The following GOLGA2 variants were observed in gnomAD, a reference collection of about 807,000 sequenced individuals.
The protein encoded by GOLGA2 is golgin A2.
A neutral mutation model predicts 148.8 loss-of-function variants in GOLGA2; 49 were observed. The ratio of observed to expected loss-of-function variants is 0.33; its 90% CI spans 0.26 to 0.42. The LOEUF (loss-of-function observed/expected upper bound fraction) is 0.42. Ranked by LOEUF, GOLGA2 falls within the 10% of genes least tolerant of loss-of-function variation. The pLI, the probability that GOLGA2 is intolerant of heterozygous loss-of-function variation, is 1.00. For synonymous variants in GOLGA2, 501 were observed against 511.8 expected, an observed-to-expected ratio of 0.98 and a Z score of 0.28; for missense variants, 1,178 against 1,304.6, an observed-to-expected ratio of 0.90 and a Z score of 1.49.
chr9:128,275,797 C>G, intron 1 of GOLGA2, 96 bp downstream of exon 1: 1 of 683,716 alleles, frequency 1.5e-6, no homozygotes, highest in Non-Finnish European at 2.4e-6. Context: ...GAGCCCAGCC[C>G]GGTGTGCCTC....
intron 1 of GOLGA2, chr9:128,275,629 C>CG: frequency 6.2e-6 from 4 of 641,932 alleles, no homozygotes; most frequent in South Asian, 2.5e-5. Flanking sequence ...GGTCGGACTT[C>CG]GGGGGGCAGG....
chr9:128,273,217 G>A (rs1346661643), intron 2 of GOLGA2, among the ~76,000 whole-genome samples: 2 of 152,140 alleles, frequency 1.3e-5, no homozygotes, highest in Non-Finnish European at 2.9e-5. Context: ...TTAAAAACCA[G>A]ACTTCTGAGT....
intron 1 of GOLGA2, among the ~76,000 whole-genome samples, chr9:128,274,597 G>A (rs1370694688): frequency 1.3e-5 from 2 of 152,164 alleles, no homozygotes; most frequent in African/African-American, 2.4e-5. Context: ...ATCCTCACAC[G>A]TTTGGTAATG....
Position 128,257,795 on chromosome 9 carries a change from G to A in GOLGA2, c.2606C>T (p.Thr869Ile). ...TGCCCTGGCCTCCCACTCACCAATG[G>A]TGTCTGTCTCTCCAGAAAGCTGGAT... Reference protein sequence around the residue: ...RCIQLSGETDTIGEYIALYQS... With the variant: ...RCIQLSGETDIIGEYIALYQS... The change falls in exon 24 of 27, where the codon ACC (threonine) becomes ATC (isoleucine). Residue 869 changes from threonine to isoleucine, a missense_variant. Around this residue, in one of 5 missense-constraint regions of GOLGA2, gnomAD observed 38 missense variants for 67.3 expected, o/e 0.56. Coordinates refer to ENST00000611957, the MANE Select transcript of GOLGA2 (RefSeq NM_001366244.2). This position sits in a 1 kb window ranked among gnomAD's most constrained non-coding sequence, Gnocchi z 8.0. 1 of 1,613,640 alleles carries A rather than the reference G, an allele frequency of 6.2e-7. No individual in the cohort carries two copies. The highest frequency in any genetic ancestry group is 8.5e-7 in the Non-Finnish European group (1 of 1,179,578).
In GOLGA2 at chr9:128,271,713, GA is replaced by G. The variant is rs1564369118; in HGVS notation, c.288+1071del. 6.6e-6 allele frequency among the ~76,000 whole-genome samples: 1 copy of G among 151,986 alleles called. No homozygotes were observed. On this transcript the variant is annotated intron_variant, in intron 3 of 26. Transcript: ENST00000611957. This position sits in a 1 kb window ranked among gnomAD's most constrained non-coding sequence, Gnocchi z 4.4. ...GTCCATTTGGAACCAACCTCCCCCC[GA>G]GCTGAGCATTTGGAATGTTCCAAAA...
intron 2 of GOLGA2, 144 bp downstream of exon 2, chr9:128,273,706 A>C: frequency 9.2e-7 from 1 of 1,081,484 alleles, no homozygotes; most frequent in Non-Finnish European, 1.3e-6. Flanking sequence ...ATTTGCCCTA[A>C]ATCACATCCC....
rs749899549 is a variant in GOLGA2 at position 128,260,576 on chromosome 9, C to A, written c.1647G>T (p.Arg549Ser). ...ELWGEQAEAR[R>S]QILETMQNDR... ...CGTTCTGCATGGTCTCCAGGATTTGCCTGCGCGCCTCCGCCTGCTCCCCCC... is the reference window on the plus strand; with the variant it reads ...CGTTCTGCATGGTCTCCAGGATTTGACTGCGCGCCTCCGCCTGCTCCCCCC... The change falls in exon 18 of 27, where the codon AGG becomes AGT. Residue 549 changes from arginine to serine, a missense_variant. Transcript: ENST00000611957. The surrounding 1 kb of genome is among the most constrained non-coding windows in gnomAD (Gnocchi z 4.8). 19 of 1,611,950 alleles carry A rather than the reference C, an allele frequency of 1.2e-5. No homozygotes were observed. The highest frequency in any genetic ancestry group is 1.5e-5 in the Non-Finnish European group (18 of 1,180,006).
chr9:128,271,773 C>T lies in GOLGA2; in HGVS notation c.288+1012G>A, dbSNP rs79121620. On this transcript the variant is annotated intron_variant, in intron 3 of 26. Coordinates refer to ENST00000611957, the MANE Select transcript of GOLGA2 (RefSeq NM_001366244.2). This position sits in a 1 kb window ranked among gnomAD's most constrained non-coding sequence, Gnocchi z 4.4. ...TGCCTCCTTCAGAGGAGTCTGCCTC[C>T]CTCGGTGTGCAGCCTACCTTGTTCA... 0.043 allele frequency among the ~76,000 whole-genome samples: 6,472 copies of T among 152,200 alleles called. 246 individuals carry two copies. Among genetic ancestry groups the T allele is most frequent in the East Asian group, 0.18 (913 of 5,162 alleles).
At position 128,261,199 on chromosome 9, in the gene GOLGA2, T is replaced by C; in HGVS notation, c.1393A>G (p.Ser465Gly). Residue 465 changes from serine (S) to glycine (G), a missense_variant, in exon 17 of 27, where the codon AGC becomes GGC. By Grantham distance (56) the Ser-to-Gly change is moderately conservative. Coordinates refer to ENST00000611957, the MANE Select transcript of GOLGA2 (RefSeq NM_001366244.2). This position sits in a 1 kb window ranked among gnomAD's most constrained non-coding sequence, Gnocchi z 5.7. Reference sequence around the variant, plus strand: ...ATCTGGTTCCTCAGTTCAGCCAAGCTCGTCTCCAGCTCCTGTACCCGACTC... The same window carrying C: ...ATCTGGTTCCTCAGTTCAGCCAAGCCCGTCTCCAGCTCCTGTACCCGACTC... ...SMSRVQELETSLAELRNQMAE... is the reference protein window; with the variant it reads ...SMSRVQELETGLAELRNQMAE... 6.2e-7 allele frequency: 1 copy of C among 1,613,672 alleles called. No homozygotes were observed. Among genetic ancestry groups the C allele is most frequent in the Non-Finnish European group, 8.5e-7 (1 of 1,179,636 alleles).
chr9:128,273,486 T>G (rs1831084544), intron 2 of GOLGA2, among the ~76,000 whole-genome samples: 1 of 152,186 alleles, frequency 6.6e-6, no homozygotes, highest in South Asian at 2.1e-4. Context: ...CAAGTAGCTG[T>G]TCTCATTGGC....
intron 12 of GOLGA2, among the ~76,000 whole-genome samples, chr9:128,265,208 T>C: frequency 6.6e-6 from 1 of 152,224 alleles, no homozygotes; most frequent in African/African-American, 2.4e-5. Flanking sequence ...TCATAGTACA[T>C]AGGTACACAT....
intron 19 of GOLGA2, 97 bp from the exon 20 acceptor site, chr9:128,259,488 C>T: frequency 2.7e-6 from 2 of 730,098 alleles, no homozygotes; most frequent in Non-Finnish European, 4.5e-6. Flanking sequence ...CTGCCCAGAC[C>T]TCTGGCCCCT....
chr9:128,259,189 C>T lies in GOLGA2; in HGVS notation c.2075G>A (p.Arg692His), dbSNP rs147019511. The change falls in exon 20 of 27, where the codon CGC becomes CAC. Residue 692 changes from arginine (R) to histidine (H), a missense_variant. Transcript: ENST00000611957. ...CACCTGGGTTTCCTGCAACTCTTGGCGGGCCATCTCGGCCACCGCTTTGCC... is the reference window on the plus strand; with the variant it reads ...CACCTGGGTTTCCTGCAACTCTTGGTGGGCCATCTCGGCCACCGCTTTGCC... The part of the protein sequence containing the change: ...AQGKAVAEMA[R>H]QELQETQERL... 8.8e-6 allele frequency: 14 copies of T among 1,586,246 alleles called. No individual in the cohort carries two copies. Among genetic ancestry groups the T allele is most frequent in the African/African-American group, 2.7e-5 (2 of 74,568 alleles).
chr9:128,266,395 G>C lies in GOLGA2; in HGVS notation c.643-70C>G. 4 of 1,337,748 alleles carry C rather than the reference G, an allele frequency of 3.0e-6. No homozygotes were observed. Among genetic ancestry groups the C allele is most frequent in the Middle Eastern group, 3.6e-4 (2 of 5,514 alleles). The allele number at this position is 1,337,748 out of a possible 1,614,324, so 82.9% of individuals were successfully genotyped here. A position where few individuals can be genotyped will look rare whatever the true frequency, so the allele number is the denominator to read the frequency against. On this transcript the variant is annotated intron_variant, in intron 8 of 26. Coordinates refer to ENST00000611957, the MANE Select transcript of GOLGA2 (RefSeq NM_001366244.2). The surrounding 1 kb of genome is among the most constrained non-coding windows in gnomAD (Gnocchi z 4.2). Reference sequence around the variant, plus strand: ...AACTCTATTCCCCAGACCAGGAACGGGTAGGCAGGGGCCAGGAATGGATTT... The same window carrying C: ...AACTCTATTCCCCAGACCAGGAACGCGTAGGCAGGGGCCAGGAATGGATTT...
At chr9:128,269,654 G>A (rs1668232633) in intron 3 of GOLGA2, among the ~76,000 whole-genome samples, 1 of 152,168 alleles carries the variant, frequency 6.6e-6, no homozygotes, top group Non-Finnish European at 1.5e-5. Flanking sequence ...TCTAATATCT[G>A]ACAAGCCAGA....
At position 128,260,171 on chromosome 9, in the gene GOLGA2, T is replaced by C; in HGVS notation, c.1777A>G (p.Ile593Val). ...TGCTCCGACTGCAGTGCGCTGGTGATCTCCATGTTCTCATTAGTCTGGACA... is the reference window on the plus strand; with the variant it reads ...TGCTCCGACTGCAGTGCGCTGGTGACCTCCATGTTCTCATTAGTCTGGACA... ...FVKLTNENME[I>V]TSALQSEQHV... is the part of the protein sequence containing the mutation. Residue 593 changes from isoleucine (I) to valine (V), a missense_variant, in exon 19 of 27, where the codon ATC (isoleucine) becomes GTC (valine). By Grantham distance (29) the Ile-to-Val change is conservative. Transcript: ENST00000611957. The surrounding 1 kb of genome is among the most constrained non-coding windows in gnomAD (Gnocchi z 4.8). 1 of 1,607,290 alleles carries C rather than the reference T, an allele frequency of 6.2e-7. No homozygotes were observed.
At position 128,259,654 on chromosome 9, in the gene GOLGA2, T is replaced by C. The variant is rs151020592; in HGVS notation, c.1873-263A>G. Among the ~76,000 whole-genome samples, 6 of 152,380 alleles carry C rather than the reference T, an allele frequency of 3.9e-5. No individual in the cohort carries two copies. The East Asian group carries it at 1.2e-3, about 29-fold the overall frequency. ...ACCACCATCTGCTAAGTGTGCTACA[T>C]GCCTAATGCTTTCCACGTATTATCT... On this transcript the variant is annotated intron_variant, in intron 19 of 26. Coordinates refer to ENST00000611957, the MANE Select transcript of GOLGA2 (RefSeq NM_001366244.2).
chr9:128,269,288 A>G lies in GOLGA2; in HGVS notation c.289-764T>C, dbSNP rs575433164. Among the ~76,000 whole-genome samples the G allele has an allele frequency of 3.3e-5, 5 of 151,942 alleles. No individual in the cohort carries two copies. The South Asian group carries it at 1.0e-3, about 32-fold the overall frequency. ...CTGATTCAGGCCTTTTCAGGGGGAA[A>G]AAAAAAAAGCTGCCCAACTAGAAGA... On this transcript the variant is annotated intron_variant, in intron 3 of 26. Coordinates refer to ENST00000611957, the MANE Select transcript of GOLGA2 (RefSeq NM_001366244.2).
At chr9:128,264,938 G>A (rs943263260) in intron 12 of GOLGA2, among the ~76,000 whole-genome samples, 2 of 152,134 alleles carry the variant, frequency 1.3e-5, no homozygotes, top group Non-Finnish European at 2.9e-5. Context: ...AATATTAGAG[G>A]TTAAGTGCTT....
Sources: allele counts gnomAD v4.1 joint callset (sites outside exome capture counted in the v4.1 genomes callset), GRCh38; gene constraint gnomAD v4.1.1; regional missense constraint gnomAD v4.1.1; non-coding constraint Gnocchi (gnomAD v3.1); transcripts MANE v1.5; gene names NCBI Gene and HGNC (gene_info 2026-07-23, HGNC 2026-07-21).